TBC1D15: variants seen among roughly 807,000 people sequenced by gnomAD.
The protein encoded by TBC1D15 is TBC1 domain family member 15.
In TBC1D15, 39 loss-of-function variants were observed where a neutral mutation model predicts 95.4. The ratio of observed to expected loss-of-function variants is 0.41; its 90% CI spans 0.32 to 0.53. TBC1D15 has a LOEUF of 0.53. Ranked by LOEUF, TBC1D15 falls within the 20% of genes least tolerant of loss-of-function variation. The pLI is 0.29. For missense variants in TBC1D15, 733 were observed against 794.3 expected (o/e 0.92, Z 0.93); for synonymous variants, 258 against 261.3 (o/e 0.99, Z 0.12).
At chr12:71,896,152 TG>T in intron 8 of TBC1D15, 77 bp downstream of exon 8, 1 of 1,376,602 alleles carries the variant, frequency 7.3e-7, no homozygotes, top group Non-Finnish European at 9.6e-7. Flanking sequence ...GTTACTGTTT[TG>T]GTGTGTTTTT....
chr12:71,923,137 G>T lies in TBC1D15; in HGVS notation c.1958G>T (p.Gly653Val). Residue 653 changes from glycine to valine, a missense_variant, in exon 17 of 17, where the codon GGA becomes GTA. By Grantham distance (109) the Gly-to-Val change is moderately radical (BLOSUM62 -3). Transcript: ENST00000485960. ...GCCTTGCCTACACTCTCTGCCAGTG[G>T]AGCCAGAAATGACAGCCCAACACAG... Reference protein sequence around the residue: ...SNALPTLSASGARNDSPTQIP... With the variant: ...SNALPTLSASVARNDSPTQIP... 6.2e-7 allele frequency: 1 copy of T among 1,614,158 alleles called. No homozygotes were observed. Among genetic ancestry groups the T allele is most frequent in the Non-Finnish European group, 8.5e-7 (1 of 1,180,032 alleles).
At chr12:71,921,338 A>G (rs764880886) in intron 15 of TBC1D15, 30 bp from the exon 16 acceptor site, 4 of 1,322,224 alleles carry the variant, frequency 3.0e-6, no homozygotes, top group Admixed American at 2.0e-5. Flanking sequence ...TTCAGTTTCG[A>G]TATCATTTTA....
intron 1 of TBC1D15, chr12:71,861,509 T>C: frequency 6.6e-7 from 1 of 1,525,728 alleles, no homozygotes; most frequent in Non-Finnish European, 8.8e-7. Flanking sequence ...AGGTAGTCTC[T>C]CTAATGATCC....
chr12:71,920,632 T>C, intron 14 of TBC1D15, 99 bp from the exon 15 acceptor site: 4 of 925,032 alleles, frequency 4.3e-6, no homozygotes, highest in Middle Eastern at 2.2e-4. Context: ...AGGCAACATC[T>C]ACTTTGCATA....
At chr12:71,922,851 T>C (rs535513073) in intron 16 of TBC1D15, 132 bp from the exon 17 acceptor site, 1 of 836,386 alleles carries the variant, frequency 1.2e-6, no homozygotes, top group African/African-American at 1.7e-5. Flanking sequence ...GTGAGAAGGG[T>C]ACATGACATT....
At chr12:71,899,245 A>C (rs776146488) in intron 10 of TBC1D15, among the ~76,000 whole-genome samples, 4 of 152,174 alleles carry the variant, frequency 2.6e-5, no homozygotes, top group Non-Finnish European at 5.9e-5. Context: ...ACTGGTAGGA[A>C]AATTTAGATA....
chr12:71,879,753 T>A (rs1440703629), intron 3 of TBC1D15, among the ~76,000 whole-genome samples: 1 of 152,232 alleles, frequency 6.6e-6, no homozygotes, highest in Non-Finnish European at 1.5e-5. Context: ...TTTGCCTGTT[T>A]TTCTGTTTTG....
At chr12:71,842,660 G>A (rs1885306366) in intron 1 of TBC1D15, among the ~76,000 whole-genome samples, 1 of 151,800 alleles carries the variant, frequency 6.6e-6, no homozygotes, top group South Asian at 2.1e-4. Context: ...ACTAGACCCT[G>A]TCTCTATGAA....
intron 10 of TBC1D15, among the ~76,000 whole-genome samples, chr12:71,903,548 C>T (rs1899948035): frequency 6.6e-6 from 1 of 152,160 alleles, no homozygotes; most frequent in Non-Finnish European, 1.5e-5. Context: ...AATCGTTCTA[C>T]CACAAAGGTA....
At chr12:71,916,846 A>C (rs1903828487) in intron 12 of TBC1D15, among the ~76,000 whole-genome samples, 1 of 152,090 alleles carries the variant, frequency 6.6e-6, no homozygotes, top group African/African-American at 2.4e-5. Flanking sequence ...AAACTTTGTG[A>C]CCTCAGGGCC....
At chr12:71,910,404 C>G (rs960928696) in intron 11 of TBC1D15, among the ~76,000 whole-genome samples, 1 of 150,484 alleles carries the variant, frequency 6.6e-6, no homozygotes, top group African/African-American at 2.5e-5. Context: ...TGAAGAAAGT[C>G]ATTGGTAGCT....
chr12:71,849,460 C>T, intron 1 of TBC1D15: 1 of 992,144 alleles, frequency 1.0e-6, no homozygotes, highest in Non-Finnish European at 1.6e-6. Context: ...AGGGAAGATT[C>T]CAAACTCATT....
At chr12:71,868,487 C>A (rs551015456) in intron 1 of TBC1D15, among the ~76,000 whole-genome samples, 2 of 152,168 alleles carry the variant, frequency 1.3e-5, no homozygotes, top group East Asian at 3.9e-4. Flanking sequence ...ACCTCGTGAT[C>A]CACCCACCTC....
At chr12:71,846,981 A>G (rs1886444592) in intron 1 of TBC1D15, among the ~76,000 whole-genome samples, 1 of 151,922 alleles carries the variant, frequency 6.6e-6, no homozygotes, top group Admixed American at 6.6e-5. Context: ...GTCTGCTTAG[A>G]ACTCTTGGCC....
intron 1 of TBC1D15, among the ~76,000 whole-genome samples, chr12:71,848,452 T>A (rs1886890327): frequency 6.6e-6 from 1 of 152,224 alleles, no homozygotes; most frequent in Non-Finnish European, 1.5e-5. Context: ...GTGTTGAGTA[T>A]TTTTCCATGT....
chr12:71,866,549 C>G lies in TBC1D15; in HGVS notation c.31-5521C>G, dbSNP rs117363058. 8.5e-4 allele frequency among the ~76,000 whole-genome samples: 129 copies of G among 152,282 alleles called. 1 individual carries two copies. In the East Asian group the frequency reaches 0.02, roughly 24 times the overall value. ...TTTCCTTGTTTCTCTATGTGGCCAT[C>G]CTGAGTTTCTGTGTGCTCACAAGGG... On this transcript the variant is annotated intron_variant, in intron 1 of 16. Coordinates refer to ENST00000485960, the MANE Select transcript of TBC1D15 (RefSeq NM_001146213.3).
At chr12:71,909,522 G>C (rs899092979) in intron 11 of TBC1D15, among the ~76,000 whole-genome samples, 1 of 152,176 alleles carries the variant, frequency 6.6e-6, no homozygotes, top group Non-Finnish European at 1.5e-5. Flanking sequence ...GTATGTAATG[G>C]TGATACTGAA....
intron 3 of TBC1D15, among the ~76,000 whole-genome samples, chr12:71,873,317 A>G (rs1390686497): frequency 6.6e-6 from 1 of 152,072 alleles, no homozygotes; most frequent in Non-Finnish European, 1.5e-5. Context: ...GTAATAATGT[A>G]GTGTTTTTTT....
At chr12:71,887,608 C>T (rs1040238814) in intron 5 of TBC1D15, among the ~76,000 whole-genome samples, 1 of 152,046 alleles carries the variant, frequency 6.6e-6, no homozygotes, top group East Asian at 1.9e-4. Flanking sequence ...GAATATTTTC[C>T]TCTCTTTCTG....
Sources: gnomAD v4.1 joint callset for allele counts (sites outside exome capture counted in the v4.1 genomes callset) on GRCh38, gnomAD v4.1.1 for gene constraint, MANE v1.5 for transcripts, NCBI Gene and HGNC (gene_info 2026-07-23, HGNC 2026-07-21) for gene names.